Variants in SLC24A2 observed in about 807,000 individuals in gnomAD.
The protein encoded by SLC24A2 is sodium/potassium/calcium exchanger 2.
Under a neutral mutation model 62.0 loss-of-function variants are expected in SLC24A2, and 36 were observed. The observed-to-expected ratio is 0.58, with a 90% CI of 0.44 to 0.77. The LOEUF (loss-of-function observed/expected upper bound fraction) is 0.77. SLC24A2 is among the 30% of genes least tolerant of loss of function. The probability of loss-of-function intolerance (pLI) is 0.00; values close to 1 mark genes in which losing one functional copy is unlikely to be tolerated. For synonymous variants in SLC24A2, 358 were observed against 294.0 expected, an observed-to-expected ratio of 1.22 and a Z score of -2.23; for missense variants, 846 against 817.9, an observed-to-expected ratio of 1.03 and a Z score of -0.42.
At chr9:19,814,145 C>T in the SLC24A2 span, among the ~76,000 whole-genome samples, 4 of 152,128 alleles carry the variant, frequency 2.6e-5, no homozygotes, top group Non-Finnish European at 5.9e-5. Flanking sequence ...ATTCATCATA[C>T]CCACTGATAT....
At chr9:19,957,990 C>G in the SLC24A2 span, 2 of 152,722 alleles carry the variant, frequency 1.3e-5, no homozygotes, top group Middle Eastern at 3.2e-3. Context: ...GTAGCTCTAT[C>G]CTTCACCACC....
chr9:19,663,303 T>A (rs1054354191), intron 2 of SLC24A2, among the ~76,000 whole-genome samples: 3 of 152,156 alleles, frequency 2.0e-5, no homozygotes, highest in Non-Finnish European at 4.4e-5. Context: ...CTGATCTTTG[T>A]GCTGAGGTCC....
the SLC24A2 span, among the ~76,000 whole-genome samples, chr9:19,883,123 T>C: frequency 2.0e-5 from 3 of 152,370 alleles, no homozygotes; most frequent in South Asian, 4.1e-4. Flanking sequence ...ACAAGAGTTA[T>C]AGCAACCAGG....
At chr9:20,064,006 C>G in the SLC24A2 span, among the ~76,000 whole-genome samples, 3 of 152,206 alleles carry the variant, frequency 2.0e-5, no homozygotes, top group East Asian at 1.9e-4. Context: ...AAAACATATG[C>G]ACAAAGATTT....
chr9:19,911,981 A>AT, the SLC24A2 span, among the ~76,000 whole-genome samples: 4 of 152,148 alleles, frequency 2.6e-5, no homozygotes, highest in Non-Finnish European at 5.9e-5. Context: ...CTAAGGTTTT[A>AT]TTTGTTTACT....
chr9:20,108,414 C>T, the SLC24A2 span, among the ~76,000 whole-genome samples: 1 of 152,146 alleles, frequency 6.6e-6, no homozygotes, highest in Non-Finnish European at 1.5e-5. Flanking sequence ...TTTATTGCGG[C>T]ACTATTCACA....
the SLC24A2 span, among the ~76,000 whole-genome samples, chr9:20,285,749 C>A: frequency 7.8e-4 from 118 of 152,226 alleles, no homozygotes; most frequent in Admixed American, 5.6e-3. Flanking sequence ...TCAAACATTA[C>A]GATCATAAGG....
the SLC24A2 span, among the ~76,000 whole-genome samples, chr9:20,035,351 A>C: frequency 1.3e-5 from 2 of 152,234 alleles, no homozygotes; most frequent in African/African-American, 4.8e-5. Flanking sequence ...CATTACCAGG[A>C]TTAATCATTT....
chr9:19,527,965 C>T (rs1833517355), intron 9 of SLC24A2, 84 bp downstream of exon 9: 2 of 865,228 alleles, frequency 2.3e-6, no homozygotes, highest in Non-Finnish European at 3.8e-6. Flanking sequence ...GTGGCAGTTG[C>T]AGAAAGCAAA....
At chr9:20,059,281 A>C in the SLC24A2 span, among the ~76,000 whole-genome samples, 2 of 152,294 alleles carry the variant, frequency 1.3e-5, no homozygotes, top group Admixed American at 6.5e-5. Flanking sequence ...TAACTTGAAT[A>C]ACAGTATAAA....
the SLC24A2 span, among the ~76,000 whole-genome samples, chr9:19,877,371 G>C: frequency 7.1e-6 from 1 of 139,968 alleles, no homozygotes; most frequent in African/African-American, 2.6e-5. Flanking sequence ...CTAAACTATG[G>C]AGTTTGGCTC....
chr9:19,816,219 G>T, the SLC24A2 span, among the ~76,000 whole-genome samples: 3 of 151,998 alleles, frequency 2.0e-5, no homozygotes, highest in South Asian at 2.1e-4. Flanking sequence ...CCTCCACATG[G>T]TTATTCAGGG....
intron 2 of SLC24A2, among the ~76,000 whole-genome samples, chr9:19,721,037 T>C (rs558531946): frequency 6.6e-6 from 1 of 152,280 alleles, no homozygotes; most frequent in South Asian, 2.1e-4. Flanking sequence ...AATATCAGTT[T>C]CTGATCCTTC....
At chr9:19,752,431 G>A (rs1325316733) in intron 2 of SLC24A2, among the ~76,000 whole-genome samples, 1 of 152,100 alleles carries the variant, frequency 6.6e-6, no homozygotes, top group Non-Finnish European at 1.5e-5. Context: ...CTGGAGAAAA[G>A]AGGCTGTGTC....
chr9:20,161,399 G>A, the SLC24A2 span, among the ~76,000 whole-genome samples: 1 of 151,242 alleles, frequency 6.6e-6, no homozygotes, highest in Non-Finnish European at 1.5e-5. Context: ...CATTGATACA[G>A]GAACCTGATT....
chr9:19,666,997 A>ATCAGGTACTT (rs1819272979), intron 2 of SLC24A2, among the ~76,000 whole-genome samples: 1 of 152,224 alleles, frequency 6.6e-6, no homozygotes, highest in African/African-American at 2.4e-5. Context: ...ATTAATAAAG[A>ATCAGGTACTT]TCAGGTACTT....
intron 4 of SLC24A2, among the ~76,000 whole-genome samples, chr9:19,618,765 T>A (rs913191489): frequency 5.9e-5 from 9 of 152,246 alleles, no homozygotes; most frequent in African/African-American, 2.2e-4. Context: ...CTGTGTAACA[T>A]TGAGCCCAAT....
the SLC24A2 span, among the ~76,000 whole-genome samples, chr9:20,032,382 G>T: frequency 6.7e-6 from 1 of 150,270 alleles, no homozygotes; most frequent in South Asian, 2.1e-4. Context: ...TTAATTAGAG[G>T]TTAAATAATG....
the SLC24A2 span, among the ~76,000 whole-genome samples, chr9:20,175,387 A>C: frequency 2.6e-5 from 4 of 152,044 alleles, no homozygotes; most frequent in African/African-American, 7.2e-5. Flanking sequence ...TGTGGGAAAA[A>C]AGAATTTAAG....
Sources: allele counts gnomAD v4.1 joint callset (sites outside exome capture counted in the v4.1 genomes callset), GRCh38; gene constraint gnomAD v4.1.1; transcripts MANE v1.5; gene names NCBI Gene and HGNC (gene_info 2026-07-23, HGNC 2026-07-21).